The following SMOC2 variants were observed in gnomAD, a reference collection of about 807,000 sequenced individuals.
The protein encoded by SMOC2 is SPARC-related modular calcium-binding protein 2.
In SMOC2, 39 loss-of-function variants were observed where a neutral mutation model predicts 61.4. The observed-to-expected ratio is 0.64, with a 90% CI of 0.49 to 0.83. The LOEUF is 0.83. Ranked by LOEUF, SMOC2 falls within the 40% of genes least tolerant of loss-of-function variation. The pLI, the probability that SMOC2 is intolerant of heterozygous loss-of-function variation, is 0.00. For synonymous variants in SMOC2, 247 were observed against 239.9 expected (o/e 1.03, Z -0.27); for missense variants, 556 against 592.9 (o/e 0.94, Z 0.65).
At chr6:168,562,386 C>G (rs1274368983) in intron 7 of SMOC2, among the ~76,000 whole-genome samples, 20 of 93,598 alleles carry the variant, frequency 2.1e-4, no homozygotes, top group African/African-American at 9.8e-4. Flanking sequence ...ACAAGGCTCT[C>G]ACTGCATTCT....
At chr6:168,606,412 G>A (rs1562377486) in intron 8 of SMOC2, among the ~76,000 whole-genome samples, 1 of 152,186 alleles carries the variant, frequency 6.6e-6, no homozygotes, top group African/African-American at 2.4e-5. Context: ...GGGGTGGCAG[G>A]TTTTCTGGTA....
chr6:168,527,713 C>T lies in SMOC2; in HGVS notation c.449C>T (p.Thr150Met), dbSNP rs41266323. ...PISGTAVAHK[T>M]PRCPGSVNEK... ...AGCGGCACTGCCGTGGCCCACAAGA[C>T]GCCCCGGTGCCCGGGTAGGTCTGAC... Residue 150 changes from threonine to methionine, a missense_variant, in exon 4 of 13, where the codon ACG becomes ATG. Coordinates refer to ENST00000356284, the MANE Select transcript of SMOC2 (RefSeq NM_001166412.2). The T allele has an allele frequency of 4.0e-5, 62 of 1,551,050 alleles. No individual in the cohort carries two copies. Among genetic ancestry groups the T allele is most frequent in the South Asian group, 2.0e-4 (17 of 84,072 alleles).
chr6:168,458,670 G>A (rs890146534), intron 1 of SMOC2, among the ~76,000 whole-genome samples: 1 of 152,110 alleles, frequency 6.6e-6, no homozygotes, highest in African/African-American at 2.4e-5. Flanking sequence ...TGTCCGGGCC[G>A]TCTTCCTGCT....
intron 1 of SMOC2, among the ~76,000 whole-genome samples, chr6:168,476,171 G>T (rs921715208): frequency 6.6e-6 from 1 of 152,122 alleles, no homozygotes; most frequent in Non-Finnish European, 1.5e-5. Context: ...GGAAATACAT[G>T]AGAGTCTTGG....
intron 7 of SMOC2, among the ~76,000 whole-genome samples, chr6:168,566,471 T>C (rs1436126373): frequency 6.8e-6 from 1 of 146,254 alleles, no homozygotes; most frequent in African/African-American, 2.6e-5. Context: ...ATGGATATTG[T>C]AGCACTTCTT....
At chr6:168,571,899 C>T (rs1202904040) in intron 7 of SMOC2, among the ~76,000 whole-genome samples, 34 of 69,682 alleles carry the variant, frequency 4.9e-4, no homozygotes, top group South Asian at 1.4e-3. Flanking sequence ...ACCAGGGCTG[C>T]GTGCTCCCTG....
chr6:168,650,307 G>A (rs1328401378), intron 9 of SMOC2, among the ~76,000 whole-genome samples: 3 of 152,134 alleles, frequency 2.0e-5, no homozygotes, highest in Non-Finnish European at 2.9e-5. Context: ...CTCGATTGCT[G>A]GGATGGCCAG....
In SMOC2 at chr6:168,458,080, G is replaced by T. The variant is rs921735831; in HGVS notation, c.84+16626G>T. Among the ~76,000 whole-genome samples, 4 of 152,298 alleles carry T rather than the reference G, an allele frequency of 2.6e-5. No homozygotes were observed. The East Asian group carries it at 5.8e-4, about 22-fold the overall frequency. On this transcript the variant is annotated intron_variant, in intron 1 of 12. Coordinates refer to ENST00000356284, the MANE Select transcript of SMOC2 (RefSeq NM_001166412.2). ...CCAAAACAATTAAGCTCCTAGGAAG[G>T]CTGGGGGGATGTCATGATAACATAA...
At chr6:168,518,279 TGTGA>T (rs764013321) in intron 2 of SMOC2, among the ~76,000 whole-genome samples, 1 of 150,890 alleles carries the variant, frequency 6.6e-6, no homozygotes, top group South Asian at 2.1e-4. Context: ...TGTGCGGGGG[TGTGA>T]GTGTGAATGT....
In SMOC2 at chr6:168,667,631, C is replaced by G. The variant is rs1011917081; in HGVS notation, c.*1193C>G. ...GCCTGGGCCCCAGAGCTCAGGGCAC[C>G]CAGTGTCTTAAGGAACCATTTGGAG... On this transcript the variant is annotated 3_prime_UTR_variant, in exon 13 of 13. Coordinates refer to ENST00000356284, the MANE Select transcript of SMOC2 (RefSeq NM_001166412.2). The G allele has an allele frequency of 6.6e-6, 1 of 152,186 alleles. No individual in the cohort carries two copies. The highest frequency in any genetic ancestry group is 1.9e-4 in the East Asian group (1 of 5,196). 9.4% of individuals were successfully genotyped at this position (152,186 alleles called of 1,614,324 possible).
intron 1 of SMOC2, among the ~76,000 whole-genome samples, chr6:168,491,123 T>G (rs2115032749): frequency 6.6e-6 from 1 of 152,344 alleles, no homozygotes; most frequent in South Asian, 2.1e-4. Flanking sequence ...GAAATATTTC[T>G]GCATCATCTC....
chr6:168,489,256 T>C (rs1390365052), intron 1 of SMOC2, among the ~76,000 whole-genome samples: 2 of 149,960 alleles, frequency 1.3e-5, no homozygotes, highest in Non-Finnish European at 3.0e-5. Flanking sequence ...GAGTGAAATA[T>C]ATCGAATCAT....
chr6:168,500,129 A>C (rs1782688921), intron 1 of SMOC2, among the ~76,000 whole-genome samples: 1 of 151,930 alleles, frequency 6.6e-6, no homozygotes, highest in Non-Finnish European at 1.5e-5. Flanking sequence ...CAACATCCCA[A>C]AATACAAAAA....
chr6:168,640,171 C>CTTGGTG lies in SMOC2; in HGVS notation c.908-10482_908-10477dup, dbSNP rs60395429. On this transcript the variant is annotated intron_variant, in intron 9 of 12. Transcript: ENST00000356284. ...GTCCTCGTGGATATCAGCACACGGT[C>CTTGGTG]TTGGTGTTGGTGTTGGTGTTGGTGT... 3.7e-4 allele frequency among the ~76,000 whole-genome samples: 56 copies of CTTGGTG among 150,334 alleles called. 1 individual carries two copies. Among genetic ancestry groups the CTTGGTG allele is most frequent in the South Asian group, 2.8e-3 (13 of 4,688 alleles).
intron 2 of SMOC2, among the ~76,000 whole-genome samples, chr6:168,519,185 G>A (rs997218452): frequency 2.0e-5 from 3 of 148,762 alleles, no homozygotes; most frequent in Non-Finnish European, 4.5e-5. Flanking sequence ...GAGTATGCGT[G>A]CATGTGTATG....
At chr6:168,605,260 G>T (rs763999015) in intron 8 of SMOC2, among the ~76,000 whole-genome samples, 5 of 152,162 alleles carry the variant, frequency 3.3e-5, no homozygotes, top group Admixed American at 6.5e-5. Context: ...TCTCAATGAG[G>T]TGTGTAGCCT....
At chr6:168,526,174 C>A (rs1783447866) in intron 2 of SMOC2, among the ~76,000 whole-genome samples, 172 bp from the exon 3 acceptor site, 2 of 152,256 alleles carry the variant, frequency 1.3e-5, no homozygotes, top group Non-Finnish European at 2.9e-5. Flanking sequence ...GGCACCTGCC[C>A]TTCTTCTGAG....
At chr6:168,603,329 G>T (rs1048713146) in intron 8 of SMOC2, among the ~76,000 whole-genome samples, 2 of 146,904 alleles carry the variant, frequency 1.4e-5, no homozygotes, top group South Asian at 2.1e-4. Context: ...TACTGGGGGT[G>T]TCATAGGGGT....
chr6:168,510,317 T>C (rs1782976934), intron 2 of SMOC2, among the ~76,000 whole-genome samples: 4 of 152,210 alleles, frequency 2.6e-5, no homozygotes, highest in Admixed American at 2.6e-4. Context: ...ATGAAAGAAA[T>C]TTATCCAAAT....
Sources: allele counts gnomAD v4.1 joint callset (sites outside exome capture counted in the v4.1 genomes callset), GRCh38; gene constraint gnomAD v4.1.1; transcripts MANE v1.5; gene names NCBI Gene and HGNC (gene_info 2026-07-23, HGNC 2026-07-21).